CDC7: variants seen among roughly 807,000 people sequenced by gnomAD.
The protein encoded by CDC7 is cell division cycle 7.
CDC7 carries 34 observed loss-of-function variants against 53.5 expected under a neutral mutation model. The ratio of observed to expected loss-of-function variants is 0.64; its 90% CI spans 0.48 to 0.85. CDC7 has a LOEUF of 0.85. Among genes scored for constraint, CDC7 ranks in the 40% least tolerant of loss-of-function variants. The pLI, the probability that CDC7 is intolerant of heterozygous loss-of-function variation, is 0.00. For missense variants in CDC7, 594 were observed against 679.7 expected, an observed-to-expected ratio of 0.87 and a Z score of 1.40; for synonymous variants, 211 against 222.8, an observed-to-expected ratio of 0.95 and a Z score of 0.47.
intron 2 of CDC7, among the ~76,000 whole-genome samples, chr1:91,507,429 T>TAATACATA (rs1667050273): frequency 6.6e-6 from 1 of 152,242 alleles, no homozygotes; most frequent in African/African-American, 2.4e-5. Context: ...TGTGAATATT[T>TAATACATA]AATACATAAA....
At chr1:91,508,006 TTGGTTTTCATTACTA>T in intron 3 of CDC7, 69 bp downstream of exon 3, 1 of 1,249,020 alleles carries the variant, frequency 8.0e-7, no homozygotes, top group Non-Finnish European at 1.1e-6. Context: ...TTTTTTAGTC[TTGGTTTTCATTACTA>T]TTTCTTATTG....
chr1:91,505,928 T>G (rs556581528), intron 2 of CDC7, among the ~76,000 whole-genome samples: 3 of 152,364 alleles, frequency 2.0e-5, no homozygotes, highest in Non-Finnish European at 4.4e-5. Flanking sequence ...CTTGTCATTT[T>G]TCTGCTTAAA....
intron 10 of CDC7, among the ~76,000 whole-genome samples, chr1:91,516,319 C>T (rs2297709): frequency 0.29 from 43,292 of 151,872 alleles, 6,427 homozygotes; most frequent in East Asian, 0.49. Context: ...ATTAAAATTA[C>T]TTTTGTTATT....
At chr1:91,512,264 A>T (rs1667326199) in intron 6 of CDC7, among the ~76,000 whole-genome samples, 1 of 152,108 alleles carries the variant, frequency 6.6e-6, no homozygotes, top group South Asian at 2.1e-4. Flanking sequence ...AGCCATGCAC[A>T]GATTATTTCT....
intron 2 of CDC7, among the ~76,000 whole-genome samples, chr1:91,505,188 C>T (rs574108283): frequency 6.6e-6 from 1 of 151,952 alleles, no homozygotes; most frequent in Non-Finnish European, 1.5e-5. Flanking sequence ...GACCCTGAAA[C>T]GGCAAGTACA....
intron 11 of CDC7, 101 bp downstream of exon 11, chr1:91,520,380 C>G (rs1187065264): frequency 1.0e-6 from 1 of 1,002,418 alleles, no homozygotes; most frequent in African/African-American, 1.7e-5. Context: ...AATAAACATT[C>G]AGTCTTGATA....
chr1:91,510,172 T>G (rs999016597), intron 4 of CDC7, among the ~76,000 whole-genome samples: 5 of 150,958 alleles, frequency 3.3e-5, no homozygotes, highest in African/African-American at 9.7e-5. Context: ...CTGCGATCAC[T>G]CCATTGCACT....
At chr1:91,522,951 T>C (rs1668043901) in intron 11 of CDC7, among the ~76,000 whole-genome samples, 1 of 152,222 alleles carries the variant, frequency 6.6e-6, no homozygotes, top group South Asian at 2.1e-4. Flanking sequence ...GTGGTACTTG[T>C]TGTTTCGTAC....
At chr1:91,508,151 C>G (rs779760045) in intron 3 of CDC7, 111 bp from the exon 4 acceptor site, 53 of 815,346 alleles carry the variant, frequency 6.5e-5, no homozygotes, top group Non-Finnish European at 9.2e-5. Flanking sequence ...AAAATGAAGT[C>G]CTGTTTTAAT....
At chr1:91,501,481 A>G (rs1666673117) in intron 1 of CDC7, 173 bp from the exon 2 acceptor site, 2 of 418,850 alleles carry the variant, frequency 4.8e-6, no homozygotes, top group South Asian at 6.4e-5. Flanking sequence ...TGTTTCTGAT[A>G]GGTGAAAATA....
At chr1:91,518,004 A>C (rs1667659281) in intron 10 of CDC7, among the ~76,000 whole-genome samples, 1 of 148,906 alleles carries the variant, frequency 6.7e-6, no homozygotes, top group Non-Finnish European at 1.5e-5. Flanking sequence ...AGGCTGAGGC[A>C]GGAGAATTGA....
rs570603086 is a variant in CDC7 at position 91,525,136 on chromosome 1, C to A, written c.*701C>A. The A allele has an allele frequency of 6.6e-6, 1 of 152,200 alleles. No individual in the cohort carries two copies. Among genetic ancestry groups the A allele is most frequent in the African/African-American group, 2.4e-5 (1 of 41,528 alleles). 9.4% of individuals were successfully genotyped at this position (152,200 alleles called of 1,614,324 possible). A position where few individuals can be genotyped will look rare whatever the true frequency, so the allele number is the denominator to read the frequency against. ...TTACATGGTGCTGACCACAAAGTTT[C>A]TGGATGTTTTATTAAATATTGTACG... On this transcript the variant is annotated 3_prime_UTR_variant, in exon 12 of 12. Coordinates refer to ENST00000234626, the MANE Select transcript of CDC7 (RefSeq NM_003503.4).
chr1:91,508,370 C>T lies in CDC7; in HGVS notation c.308C>T (p.Ala103Val). 6.2e-7 allele frequency: 1 copy of T among 1,612,122 alleles called. No individual in the cohort carries two copies. The highest frequency in any genetic ancestry group is 8.5e-7 in the Non-Finnish European group (1 of 1,178,890). Reference protein sequence around the residue: ...IPTSHPIRIAAELQCLTVAGG... With the variant: ...IPTSHPIRIAVELQCLTVAGG... ...ACAAGTCATCCTATAAGAATTGCAGCTGAACTTCAGTGCCTAACAGTGGCT... is the reference window on the plus strand; with the variant it reads ...ACAAGTCATCCTATAAGAATTGCAGTTGAACTTCAGTGCCTAACAGTGGCT... Residue 103 changes from alanine (A) to valine (V), a missense_variant, in exon 4 of 12, where the codon GCT becomes GTT. Coordinates refer to ENST00000234626, the MANE Select transcript of CDC7 (RefSeq NM_003503.4).
chr1:91,514,893 A>G lies in CDC7; in HGVS notation c.993A>G (p.Lys331=). 6.2e-7 allele frequency: 1 copy of G among 1,613,538 alleles called. No homozygotes were observed. Among genetic ancestry groups the G allele is most frequent in the Non-Finnish European group, 8.5e-7 (1 of 1,179,586 alleles). The change falls in exon 9 of 12, where the codon AAA becomes AAG. Residue 331 remains lysine, a synonymous_variant. Transcript: ENST00000234626. ...CAAAAAAGAAGGCTATTTCTACAAAAGTTATGAATAGTGCTGTGATGAGGA... is the reference window on the plus strand; with the variant it reads ...CAAAAAAGAAGGCTATTTCTACAAAGGTTATGAATAGTGCTGTGATGAGGA... The part of the protein sequence containing the change: ...LATKKKAIST[K]VMNSAVMRKT...
chr1:91,512,065 C>T (rs1246781746), intron 6 of CDC7, 142 bp downstream of exon 6: 6 of 633,404 alleles, frequency 9.5e-6, no homozygotes. Flanking sequence ...CTCAGTTACC[C>T]ATCTTATTTT....
chr1:91,513,760 G>C (rs1185562694), intron 7 of CDC7, among the ~76,000 whole-genome samples, 188 bp from the exon 8 acceptor site: 4 of 152,096 alleles, frequency 2.6e-5, no homozygotes, highest in Admixed American at 2.0e-4. Context: ...TGATAACATT[G>C]TATGGGTGTT....
chr1:91,508,861 C>T (rs1667121339), intron 4 of CDC7, among the ~76,000 whole-genome samples: 1 of 152,258 alleles, frequency 6.6e-6, no homozygotes, highest in African/African-American at 2.4e-5. Flanking sequence ...CTTCTTCCAC[C>T]TGCTCCATCA....
chr1:91,502,786 A>G (rs1189078386), intron 2 of CDC7, among the ~76,000 whole-genome samples: 1 of 151,974 alleles, frequency 6.6e-6, no homozygotes, highest in Non-Finnish European at 1.5e-5. Flanking sequence ...CTGATTTACA[A>G]CAGTTTCTCA....
Position 91,503,016 on chromosome 1 carries a change from T to C in CDC7, c.115+1185T>C, listed in dbSNP as rs982771857. Among the ~76,000 whole-genome samples, 9 of 152,164 alleles carry C rather than the reference T, an allele frequency of 5.9e-5. No homozygotes were observed. In the South Asian group the frequency reaches 6.2e-4, roughly 11 times the overall value. On this transcript the variant is annotated intron_variant, in intron 2 of 11. Coordinates refer to ENST00000234626, the MANE Select transcript of CDC7 (RefSeq NM_003503.4). ...ATTGTAGTATTCTTTTTCTATTGCT[T>C]AGGACTCTGCATTTTGTCTCCACTG... is the stretch of plus-strand genomic sequence containing the variant.
Sources: gnomAD v4.1 joint callset for allele counts (sites outside exome capture counted in the v4.1 genomes callset) on GRCh38, gnomAD v4.1.1 for gene constraint, MANE v1.5 for transcripts, NCBI Gene and HGNC (gene_info 2026-07-23, HGNC 2026-07-21) for gene names.